OTUD7B: variants seen among roughly 807,000 people sequenced by gnomAD.
The protein encoded by OTUD7B is OTU deubiquitinase 7B.
In OTUD7B, 34 loss-of-function variants were observed where a neutral mutation model predicts 82.2. The ratio of observed to expected loss-of-function variants is 0.41; its 90% CI spans 0.31 to 0.55. The LOEUF (loss-of-function observed/expected upper bound fraction) is 0.55, where lower values mean the gene tolerates loss of function less well. Ranked by LOEUF, OTUD7B falls within the 20% of genes least tolerant of loss-of-function variation. The pLI, the probability that OTUD7B is intolerant of heterozygous loss-of-function variation, is 0.20. For missense variants in OTUD7B, 944 were observed against 1,062.1 expected (o/e 0.89, Z 1.55); for synonymous variants, 398 against 402.7 (o/e 0.99, Z 0.14).
chr1:149,950,977 AT>A (rs1458504169), intron 7 of OTUD7B, among the ~76,000 whole-genome samples: 6 of 22,412 alleles, frequency 2.7e-4, no homozygotes, highest in East Asian at 2.3e-3. Context: ...TACTTTTTGT[AT>A]TTTTTTTTTT....
rs782410066 is a variant in OTUD7B at position 149,953,433 on chromosome 1, C to T, written c.846-3212G>A. On this transcript the variant is annotated intron_variant, in intron 7 of 11. Transcript: ENST00000581312. The stretch of plus-strand genomic sequence containing the variant: ...TCTCTGTTTTGGTACCAATACCATG[C>T]TGTTTTGGTTACTGCAGCCTTGTAG... 1.6e-4 allele frequency among the ~76,000 whole-genome samples: 24 copies of T among 152,166 alleles called. 1 individual carries two copies. Among genetic ancestry groups the T allele is most frequent in the Non-Finnish European group, 2.9e-4 (20 of 68,030 alleles).
intron 1 of OTUD7B, among the ~76,000 whole-genome samples, chr1:149,984,052 C>A (rs782238989): frequency 1.3e-5 from 2 of 152,160 alleles, no homozygotes; most frequent in Non-Finnish European, 2.9e-5. Context: ...GCTAACCTTG[C>A]AGAGCAATAT....
upstream of OTUD7B, among the ~76,000 whole-genome samples, chr1:150,013,915 T>C (rs1191845594): frequency 6.1e-5 from 5 of 81,352 alleles, 1 homozygote; most frequent in African/African-American, 2.8e-4. Flanking sequence ...AGTGAGACTC[T>C]GTCTCAAAAA....
intron 7 of OTUD7B, among the ~76,000 whole-genome samples, chr1:149,957,446 A>G (rs1432288443): frequency 6.7e-6 from 1 of 148,550 alleles, no homozygotes; most frequent in Non-Finnish European, 1.5e-5. Flanking sequence ...GTCAGCCCCT[A>G]CTGGGAGGTG....
chr1:150,054,837 C>CAAAAAAAAAAAAA, the OTUD7B span: 1 of 146,866 alleles, frequency 6.8e-6, no homozygotes, highest in Non-Finnish European at 1.4e-5. Flanking sequence ...AAAGACGCTG[C>CAAAAAAAAAAAAA]AGAAGCCCAG....
chr1:149,971,121 G>T lies in OTUD7B; in HGVS notation c.216C>A (p.Asp72Glu). The T allele has an allele frequency of 6.2e-7, 1 of 1,613,554 alleles. No individual in the cohort carries two copies. The highest frequency in any genetic ancestry group is 8.5e-7 in the Non-Finnish European group (1 of 1,179,598). The change falls in exon 3 of 12, where the codon GAC (aspartate) becomes GAA (glutamate). Residue 72 changes from aspartate to glutamate, a missense_variant. Transcript: ENST00000581312. ...GTCGGGGAGGGCGAGTAGGCTCTCT[G>T]TCAGAAAACCCTTTTTCAGGGGTCC... is the stretch of plus-strand genomic sequence containing the variant. ...GSRTPEKGFSDREPTRPPRPI... is the reference protein window; with the variant it reads ...GSRTPEKGFSEREPTRPPRPI...
chr1:150,054,624 A>G, the OTUD7B span: 4 of 363,498 alleles, frequency 1.1e-5, no homozygotes, highest in South Asian at 2.1e-5. Flanking sequence ...CACGGCCAAC[A>G]TGGTGAAATC....
the OTUD7B span, chr1:150,054,808 C>CAA: frequency 9.3e-4 from 39 of 41,728 alleles, 3 homozygotes; most frequent in South Asian, 0.011. Context: ...AACTCAGTCT[C>CAA]AAAAAAAAAA....
chr1:150,003,244 T>TG, intron 1 of OTUD7B, among the ~76,000 whole-genome samples: 1 of 127,518 alleles, frequency 7.8e-6, no homozygotes, highest in East Asian at 2.6e-4. Flanking sequence ...AGCAAGACTC[T>TG]GTCTCAAAAA....
chr1:149,970,939 G>T, intron 3 of OTUD7B, 124 bp downstream of exon 3: 1 of 857,988 alleles, frequency 1.2e-6, no homozygotes, highest in Non-Finnish European at 1.7e-6. Flanking sequence ...CCTCAGTCTG[G>T]GTTTGGCTGG....
chr1:149,942,988 A>T lies in OTUD7B; in HGVS notation c.*869T>A, dbSNP rs1195534884. 6.6e-6 allele frequency: 1 copy of T among 152,520 alleles called. No individual in the cohort carries two copies. The highest frequency in any genetic ancestry group is 1.5e-5 in the Non-Finnish European group (1 of 68,030). The allele number at this position is 152,520 out of a possible 1,614,324, so 9.4% of individuals were successfully genotyped here. On this transcript the variant is annotated 3_prime_UTR_variant, in exon 12 of 12. Transcript: ENST00000581312. ...TCCCACCCCTCCCAAGGTGCACTCA[A>T]ACCCCAACGTATGGTTATTGCTGTG...
the OTUD7B span, among the ~76,000 whole-genome samples, chr1:150,061,046 A>G: frequency 3.4e-4 from 1 of 2,970 alleles, no homozygotes; most frequent in Non-Finnish European, 6.2e-4. Context: ...AAAACAAAAA[A>G]CAAAAAAAAT....
intron 1 of OTUD7B, among the ~76,000 whole-genome samples, chr1:150,008,530 G>C (rs1553786633): frequency 6.6e-6 from 1 of 152,180 alleles, no homozygotes; most frequent in East Asian, 1.9e-4. Flanking sequence ...CAAGTCAGTA[G>C]ATAGCCAGCT....
At chr1:150,058,092 C>T in the OTUD7B span, among the ~76,000 whole-genome samples, 14 of 152,166 alleles carry the variant, frequency 9.2e-5, no homozygotes, top group African/African-American at 2.9e-4. Flanking sequence ...TAAAGCTCAA[C>T]GGAAAGAGAA....
chr1:150,033,178 T>G, the OTUD7B span, among the ~76,000 whole-genome samples: 1 of 152,182 alleles, frequency 6.6e-6, no homozygotes, highest in African/African-American at 2.4e-5. Flanking sequence ...TCTGAATGCG[T>G]TTAAGACCTT....
the OTUD7B span, among the ~76,000 whole-genome samples, chr1:150,041,762 ATTGT>A: frequency 4.0e-5 from 6 of 151,688 alleles, no homozygotes; most frequent in East Asian, 1.9e-4. Flanking sequence ...TGTGCCTTTT[ATTGT>A]TTGTTTTTTA....
At chr1:150,041,167 C>T in the OTUD7B span, among the ~76,000 whole-genome samples, 2 of 151,812 alleles carry the variant, frequency 1.3e-5, no homozygotes, top group Non-Finnish European at 2.9e-5. Flanking sequence ...CTTAGATTCC[C>T]CACCTCTTTT....
chr1:150,017,548 G>A, the OTUD7B span, among the ~76,000 whole-genome samples: 1 of 152,264 alleles, frequency 6.6e-6, no homozygotes, highest in Admixed American at 6.5e-5. Context: ...CACCTCACAG[G>A]TGACACACCC....
chr1:149,946,839 G>A (rs1647795048), intron 11 of OTUD7B, among the ~76,000 whole-genome samples: 1 of 150,808 alleles, frequency 6.6e-6, no homozygotes, highest in South Asian at 2.1e-4. Flanking sequence ...GATCATCTGA[G>A]GTCAGGCATT....
Sources: allele counts gnomAD v4.1 joint callset (sites outside exome capture counted in the v4.1 genomes callset), GRCh38; gene constraint gnomAD v4.1.1; transcripts MANE v1.5; gene names NCBI Gene and HGNC (gene_info 2026-07-23, HGNC 2026-07-21).